The following OSBP2 variants were observed in gnomAD, a reference collection of about 807,000 sequenced individuals.
The protein encoded by OSBP2 is oxysterol binding protein 2.
Under a neutral mutation model 96.0 loss-of-function variants are expected in OSBP2, and 66 were observed. The observed-to-expected ratio is 0.69, with a 90% CI of 0.56 to 0.84. OSBP2 has a LOEUF of 0.84. Ranked by LOEUF, OSBP2 falls within the 40% of genes least tolerant of loss-of-function variation. The pLI is 0.00. For missense variants in OSBP2, 1,038 were observed against 1,222.7 expected, an observed-to-expected ratio of 0.85 and a Z score of 2.25; for synonymous variants, 525 against 520.9, an observed-to-expected ratio of 1.01 and a Z score of -0.11.
chr22:30,807,673 C>A (rs1275739785), intron 2 of OSBP2, among the ~76,000 whole-genome samples: 2 of 152,224 alleles, frequency 1.3e-5, no homozygotes, highest in Non-Finnish European at 2.9e-5. Flanking sequence ...ACCTCCAGCT[C>A]TAGAGCTGCC....
intron 3 of OSBP2, among the ~76,000 whole-genome samples, chr22:30,874,289 G>A (rs2039527956): frequency 1.3e-5 from 2 of 151,912 alleles, no homozygotes; most frequent in Non-Finnish European, 2.9e-5. Flanking sequence ...GTGCATTCTT[G>A]TAGTCCCAGC....
intron 12 of OSBP2, among the ~76,000 whole-genome samples, chr22:30,901,542 T>C (rs928642784): frequency 3.3e-5 from 5 of 152,122 alleles, no homozygotes; most frequent in African/African-American, 1.2e-4. Context: ...CTGGCAAAAG[T>C]TGTAAATTGG....
intron 2 of OSBP2, among the ~76,000 whole-genome samples, chr22:30,867,062 T>G (rs986947096): frequency 2.6e-5 from 4 of 152,122 alleles, no homozygotes; most frequent in African/African-American, 7.2e-5. Flanking sequence ...GGTGTGTGTG[T>G]GGGTATGCAT....
intron 2 of OSBP2, among the ~76,000 whole-genome samples, chr22:30,861,672 G>C (rs953131236): frequency 5.9e-5 from 9 of 152,140 alleles, no homozygotes; most frequent in Admixed American, 5.2e-4. Context: ...TCACTTGTCT[G>C]GTTACCCAGG....
In OSBP2 at chr22:30,893,981, G is replaced by A. The variant is rs1445074973; in HGVS notation, c.2355G>A (p.Leu785=). 2 of 1,597,924 alleles carry A rather than the reference G, an allele frequency of 1.3e-6. No individual in the cohort carries two copies. Among genetic ancestry groups the A allele is most frequent in the Non-Finnish European group, 1.7e-6 (2 of 1,172,748 alleles). Residue 785 remains leucine (L), a synonymous_variant, in exon 12 of 14, where the codon CTG becomes CTA. Coordinates refer to ENST00000332585, the MANE Select transcript of OSBP2 (RefSeq NM_030758.4). The part of the protein sequence containing the change: ...TVYQTLSAKL[L]WKKYPLPENA... ...ACCAGACCCTGTCAGCCAAGCTGCT[G>A]TGGAAGAAGTACCCGCTGCCGTGAG...
Position 30,890,956 on chromosome 22 carries a change from C to T in OSBP2, c.1852C>T (p.Arg618Cys), listed in dbSNP as rs779479198. 7.5e-6 allele frequency: 12 copies of T among 1,608,794 alleles called. No individual in the cohort carries two copies. Among genetic ancestry groups the T allele is most frequent in the South Asian group, 2.2e-5 (2 of 91,072 alleles). ...ELDRLDDMGL[R>C]SLCEQVSHHP... Reference sequence around the variant, plus strand: ...GGACCGCCTCGACGACATGGGCCTGCGCTCCCTCTGTGAGCAGGTGAGGGG... The same window carrying T: ...GGACCGCCTCGACGACATGGGCCTGTGCTCCCTCTGTGAGCAGGTGAGGGG... The change falls in exon 8 of 14, where the codon CGC becomes TGC. Residue 618 changes from arginine to cysteine, a missense_variant. By Grantham distance (180) the Arg-to-Cys change is radical. This residue lies in a region of OSBP2 where 737 missense variants were observed against 913.3 expected (regional missense o/e 0.81). Transcript: ENST00000332585. This position sits in a 1 kb window ranked among gnomAD's most constrained non-coding sequence, Gnocchi z 4.4.
At chr22:30,903,866 C>T (rs576871324) in intron 12 of OSBP2, among the ~76,000 whole-genome samples, 11 of 152,216 alleles carry the variant, frequency 7.2e-5, no homozygotes, top group Non-Finnish European at 1.2e-4. Context: ...TAGAATCTGG[C>T]ACTTTACTCA....
At chr22:30,777,832 A>G (rs936138326) in intron 2 of OSBP2, among the ~76,000 whole-genome samples, 1 of 152,098 alleles carries the variant, frequency 6.6e-6, no homozygotes, top group African/African-American at 2.4e-5. Context: ...ACACGTGCTC[A>G]TCAGTCTGGA....
chr22:30,872,178 A>C, intron 3 of OSBP2: 3 of 453,928 alleles, frequency 6.6e-6, no homozygotes, highest in South Asian at 4.7e-5. Flanking sequence ...GTTTTCCTAC[A>C]TCCACCCTCT....
chr22:30,711,209 AAT>A (rs136391), intron 1 of OSBP2, among the ~76,000 whole-genome samples: 146,186 of 150,766 alleles, frequency 0.97, 70,915 homozygotes, highest in East Asian at 1. Context: ...AGAGCTAGGA[AAT>A]ATATATATAT....
intron 2 of OSBP2, among the ~76,000 whole-genome samples, chr22:30,854,213 T>A (rs183697712): frequency 6.6e-6 from 1 of 152,288 alleles, no homozygotes; most frequent in Admixed American, 6.5e-5. Context: ...TTTTGCTGTG[T>A]CATTGTGTGT....
At position 30,878,188 on chromosome 22, in the gene OSBP2, GGACTCAATGCCAAGT is replaced by G. The variant is rs375909525; in HGVS notation, c.1107+7520_1107+7534del. On this transcript the variant is annotated intron_variant, in intron 3 of 13. Coordinates refer to ENST00000332585, the MANE Select transcript of OSBP2 (RefSeq NM_030758.4). ...CTGCTTCCACTTGAAATGAGACAAA[GGACTCAATGCCAAGT>G]GACTCAATGCCAATGTCAATGACTC... 4.3e-3 allele frequency among the ~76,000 whole-genome samples: 648 copies of G among 152,338 alleles called. 6 individuals carry two copies. The highest frequency in any genetic ancestry group is 0.015 in the African/African-American group (630 of 41,578).
At chr22:30,902,074 A>G in intron 12 of OSBP2, 1 of 389,818 alleles carries the variant, frequency 2.6e-6, no homozygotes, top group Non-Finnish European at 4.6e-6. Flanking sequence ...AAACCCCAGT[A>G]ACATGAAGCA....
chr22:30,747,483 A>G (rs991256490), intron 2 of OSBP2, among the ~76,000 whole-genome samples: 1 of 152,170 alleles, frequency 6.6e-6, no homozygotes, highest in Non-Finnish European at 1.5e-5. Context: ...CTTGTCCCCA[A>G]AAATAATAAT....
chr22:30,887,332 C>T (rs2039833912), intron 3 of OSBP2, 94 bp from the exon 4 acceptor site: 1 of 1,039,090 alleles, frequency 9.6e-7, no homozygotes, highest in African/African-American at 1.6e-5. Flanking sequence ...TACCCAGCTC[C>T]TGTTTAAGGT....
At chr22:30,770,063 A>C (rs117699361) in intron 2 of OSBP2, among the ~76,000 whole-genome samples, 1 of 149,760 alleles carries the variant, frequency 6.7e-6, no homozygotes, top group Non-Finnish European at 1.5e-5. Flanking sequence ...GCCATGTACG[A>C]TGTGAATTTG....
At position 30,889,242 on chromosome 22, in the gene OSBP2, A is replaced by G; in HGVS notation, c.1476+8A>G. On this transcript the variant is annotated splice_region_variant and intron_variant, in intron 6 of 13. Coordinates refer to ENST00000332585, the MANE Select transcript of OSBP2 (RefSeq NM_030758.4). ...TGGAGCTCAGCAGACAATGTAAGTG[A>G]GGGGGAGCACTGTAAGGGCCAGAAG... is the stretch of plus-strand genomic sequence containing the variant. 6.2e-7 allele frequency: 1 copy of G among 1,610,838 alleles called. No homozygotes were observed. The highest frequency in any genetic ancestry group is 8.5e-7 in the Non-Finnish European group (1 of 1,178,940).
intron 1 of OSBP2, among the ~76,000 whole-genome samples, chr22:30,714,959 G>A (rs117176370): frequency 0.015 from 2,286 of 152,138 alleles, 30 homozygotes; most frequent in Middle Eastern, 0.044. Flanking sequence ...TGGTATTGCT[G>A]TATCATATGG....
At chr22:30,730,956 C>T (rs1417908630) in intron 1 of OSBP2, among the ~76,000 whole-genome samples, 1 of 150,060 alleles carries the variant, frequency 6.7e-6, no homozygotes, top group African/African-American at 2.5e-5. Flanking sequence ...AGGTGGATCA[C>T]GAGGTCAGGA....
Sources: gnomAD v4.1 joint callset for allele counts (sites outside exome capture counted in the v4.1 genomes callset) on GRCh38, gnomAD v4.1.1 for gene constraint, gnomAD v4.1.1 regional missense constraint, Gnocchi (gnomAD v3.1) non-coding constraint, MANE v1.5 for transcripts, NCBI Gene and HGNC (gene_info 2026-07-23, HGNC 2026-07-21) for gene names.